Variants in TNNI3K observed in about 807,000 individuals in gnomAD.
TNNI3K encodes the protein serine/threonine-protein kinase TNNI3K.
A neutral mutation model predicts 114.5 loss-of-function variants in TNNI3K; 140 were observed. The observed-to-expected ratio is 1.22, with a 90% CI of 1.07 to 1.41. The LOEUF (loss-of-function observed/expected upper bound fraction) is 1.41, where lower values mean the gene tolerates loss of function less well. Ranked by LOEUF, TNNI3K falls within the 40% of genes most tolerant of loss-of-function variation. TNNI3K has a pLI of 0.00. For missense variants in TNNI3K, 1,125 were observed against 1,007.6 expected, an observed-to-expected ratio of 1.12 and a Z score of -1.58; for synonymous variants, 347 against 347.5, an observed-to-expected ratio of 1.00 and a Z score of 0.02.
At chr1:74,328,796 T>G (rs1011336498) in intron 5 of TNNI3K, among the ~76,000 whole-genome samples, 4 of 152,132 alleles carry the variant, frequency 2.6e-5, no homozygotes, top group African/African-American at 7.2e-5. Flanking sequence ...ATGAAAGTTG[T>G]GGAAGCATGC....
chr1:74,514,799 C>CA (rs1224831645), intron 23 of TNNI3K, among the ~76,000 whole-genome samples: 1 of 152,020 alleles, frequency 6.6e-6, no homozygotes, highest in African/African-American at 2.4e-5. Context: ...TTGTATCCCC[C>CA]AAAAAGATAT....
At chr1:74,514,406 T>G (rs1646318643) in intron 23 of TNNI3K, among the ~76,000 whole-genome samples, 1 of 152,174 alleles carries the variant, frequency 6.6e-6, no homozygotes, top group African/African-American at 2.4e-5. Flanking sequence ...AGCATTTAAG[T>G]AAAAAGGGGA....
At chr1:74,536,408 C>T (rs1030336592) in intron 23 of TNNI3K, among the ~76,000 whole-genome samples, 3 of 152,050 alleles carry the variant, frequency 2.0e-5, no homozygotes, top group Admixed American at 6.6e-5. Context: ...GACATCTATA[C>T]CCCTAAAGCA....
intron 21 of TNNI3K, chr1:74,464,836 CT>C (rs1557582637): frequency 7.0e-7 from 1 of 1,438,396 alleles, no homozygotes; most frequent in East Asian, 2.5e-5. Flanking sequence ...GAAAGCGGTC[CT>C]TTTTGTTTAT....
In TNNI3K at chr1:74,354,119, T is replaced by C. The variant is rs752725243; in HGVS notation, c.1167T>C (p.Ala389=). 4 of 1,613,982 alleles carry C rather than the reference T, an allele frequency of 2.5e-6. No individual in the cohort carries two copies. The South Asian group carries it at 3.3e-5, about 13-fold the overall frequency. The change falls in exon 11 of 25, where the codon GCT becomes GCC. Residue 389 remains alanine (A), a synonymous_variant. Coordinates refer to ENST00000326637, the MANE Select transcript of TNNI3K (RefSeq NM_015978.3). ...ATGAGCAGACATGTTTGATGTGGGC[T>C]TATGAAAAAGGTATATTTTTAATCA... is the stretch of plus-strand genomic sequence containing the variant. ...EKDEQTCLMW[A]YEKGHDAIVT...
At chr1:74,366,213 T>C (rs1662263831) in intron 11 of TNNI3K, among the ~76,000 whole-genome samples, 1 of 152,078 alleles carries the variant, frequency 6.6e-6, no homozygotes, top group Non-Finnish European at 1.5e-5. Flanking sequence ...TTTACCAGTT[T>C]TACAATAAGC....
At chr1:74,340,906 G>A (rs546484494) in intron 7 of TNNI3K, among the ~76,000 whole-genome samples, 5 of 152,250 alleles carry the variant, frequency 3.3e-5, no homozygotes, top group African/African-American at 9.6e-5. Context: ...GTCTTTTTGA[G>A]CTGCTCATTA....
chr1:74,354,348 T>A (rs982087659), intron 11 of TNNI3K, among the ~76,000 whole-genome samples: 2 of 152,164 alleles, frequency 1.3e-5, no homozygotes, highest in African/African-American at 4.8e-5. Context: ...ATTCTCAGTA[T>A]TGGCACTTTG....
intron 2 of TNNI3K, among the ~76,000 whole-genome samples, chr1:74,244,803 T>C (rs1654454719): frequency 6.6e-6 from 1 of 151,744 alleles, no homozygotes; most frequent in Non-Finnish European, 1.5e-5. Context: ...GATCATCAAA[T>C]TTAGATCACA....
At chr1:74,295,756 C>T (rs1570431920) in intron 5 of TNNI3K, among the ~76,000 whole-genome samples, 2 of 152,072 alleles carry the variant, frequency 1.3e-5, no homozygotes, top group East Asian at 1.9e-4. Flanking sequence ...TTAATTGTGT[C>T]TCTTGTAAGA....
intron 23 of TNNI3K, among the ~76,000 whole-genome samples, chr1:74,496,464 T>C (rs919355492): frequency 5.3e-5 from 8 of 152,192 alleles, no homozygotes; most frequent in African/African-American, 1.9e-4. Context: ...TCCCTACTAA[T>C]GTATGGATGT....
Position 74,332,976 on chromosome 1 carries a change from A to AG in TNNI3K, c.543+1428_543+1429insG, listed in dbSNP as rs546657305. On this transcript the variant is annotated intron_variant, in intron 6 of 24. Transcript: ENST00000326637. Reference sequence around the variant, plus strand: ...AATAACAAAAAAAAAAAAAAAAAAAAAGAGAGAGACAGAGAGAAATACAAA... The same window carrying AG: ...AATAACAAAAAAAAAAAAAAAAAAAAGAGAGAGAGACAGAGAGAAATACAAA... 4.8e-3 allele frequency among the ~76,000 whole-genome samples: 436 copies of AG among 90,724 alleles called. 3 individuals carry two copies. The highest frequency in any genetic ancestry group is 0.015 in the African/African-American group (407 of 27,880). The allele number at this position is 90,724 out of a possible 152,430, so 59.5% of individuals were successfully genotyped here.
chr1:74,401,725 G>C (rs745429013), intron 17 of TNNI3K: 2 of 394,644 alleles, frequency 5.1e-6, no homozygotes, highest in Non-Finnish European at 1.0e-5. Flanking sequence ...GAAATAAGAT[G>C]TCAAATATGA....
At position 74,385,653 on chromosome 1, in the gene TNNI3K, A is replaced by G. The variant is rs540184704; in HGVS notation, c.1772+15261A>G. Among the ~76,000 whole-genome samples, 14 of 152,312 alleles carry G rather than the reference A, an allele frequency of 9.2e-5. No individual in the cohort carries two copies. In the East Asian group the frequency reaches 2.7e-3, roughly 29 times the overall value. The stretch of plus-strand genomic sequence containing the variant: ...TTACTAAGATGGCATTGATGAATAC[A>G]AACCTGTATCACACTGAGGTCAACA... On this transcript the variant is annotated intron_variant, in intron 17 of 24. Coordinates refer to ENST00000326637, the MANE Select transcript of TNNI3K (RefSeq NM_015978.3).
chr1:74,444,808 A>G (rs1666556854), intron 20 of TNNI3K, among the ~76,000 whole-genome samples: 3 of 151,644 alleles, frequency 2.0e-5, no homozygotes, highest in Admixed American at 2.0e-4. Context: ...CCAAAACATC[A>G]TGGTACTGGG....
At chr1:74,288,413 A>G (rs2100277923) in intron 5 of TNNI3K, among the ~76,000 whole-genome samples, 1 of 152,274 alleles carries the variant, frequency 6.6e-6, no homozygotes, top group African/African-American at 2.4e-5. Flanking sequence ...TAGTATACAT[A>G]TCATATATGT....
At chr1:74,438,356 A>G (rs1666229223) in intron 19 of TNNI3K, among the ~76,000 whole-genome samples, 1 of 152,090 alleles carries the variant, frequency 6.6e-6, no homozygotes, top group Non-Finnish European at 1.5e-5. Flanking sequence ...GAAAGCTGTA[A>G]CTATGCATGG....
At chr1:74,493,076 C>A (rs1236556459) in intron 23 of TNNI3K, among the ~76,000 whole-genome samples, 2 of 152,140 alleles carry the variant, frequency 1.3e-5, no homozygotes, top group Non-Finnish European at 2.9e-5. Context: ...CCTTAAAGGC[C>A]TTCTCTCCAA....
intron 5 of TNNI3K, among the ~76,000 whole-genome samples, chr1:74,318,887 G>A (rs987804530): frequency 1.2e-4 from 19 of 152,098 alleles, no homozygotes; most frequent in African/African-American, 3.1e-4. Context: ...CAAGTAAGTC[G>A]TAAGTAACTA....
Sources: gnomAD v4.1 joint callset for allele counts (sites outside exome capture counted in the v4.1 genomes callset) on GRCh38, gnomAD v4.1.1 for gene constraint, MANE v1.5 for transcripts, NCBI Gene and HGNC (gene_info 2026-07-23, HGNC 2026-07-21) for gene names.